Variants in F2R observed in about 807,000 individuals in gnomAD.
F2R encodes the protein coagulation factor II thrombin receptor, also known as proteinase-activated receptor 1.
A neutral mutation model predicts 18.3 loss-of-function variants in F2R; 12 were observed. The observed-to-expected ratio is 0.66, with a 90% confidence interval of 0.42 to 1.06. F2R has a LOEUF of 1.06. Ranked by LOEUF, F2R falls within the 50% of genes least tolerant of loss-of-function variation. The probability of loss-of-function intolerance (pLI) is 0.00; values close to 1 mark genes in which losing one functional copy is unlikely to be tolerated. For missense variants in F2R, 438 were observed against 530.8 expected, an observed-to-expected ratio of 0.83 and a Z score of 1.72; for synonymous variants, 210 against 219.9, an observed-to-expected ratio of 0.95 and a Z score of 0.40.
intron 1 of F2R, among the ~76,000 whole-genome samples, chr5:76,727,048 C>T (rs1748574386): frequency 6.6e-6 from 1 of 152,182 alleles, no homozygotes; most frequent in East Asian, 1.9e-4. Flanking sequence ...TAATATACAA[C>T]TTGTTCATTC....
chr5:76,729,015 G>T (rs1010442040), intron 1 of F2R, among the ~76,000 whole-genome samples: 94 of 152,148 alleles, frequency 6.2e-4, no homozygotes, highest in Admixed American at 2.6e-4. Context: ...ATTTCCTTTG[G>T]ATGTATGCCC....
At chr5:76,717,102 A>G (rs367823256) in intron 1 of F2R, among the ~76,000 whole-genome samples, 7 of 152,222 alleles carry the variant, frequency 4.6e-5, no homozygotes, top group East Asian at 3.8e-4. Flanking sequence ...GCTCCCTCGA[A>G]CACTGTGGGA....
Position 76,733,583 on chromosome 5 carries a change from C to A in F2R, c.*80C>A. The stretch of plus-strand genomic sequence containing the variant: ...AGGATTCTATTAGTCCCCACCCAAA[C>A]TTTATTGATTCACCTCCTAAAACAA... On this transcript the variant is annotated 3_prime_UTR_variant, in exon 2 of 2. Coordinates refer to ENST00000319211, the MANE Select transcript of F2R (RefSeq NM_001992.5). The A allele has an allele frequency of 8.8e-7, 1 of 1,134,976 alleles. No individual in the cohort carries two copies. Among genetic ancestry groups the A allele is most frequent in the Non-Finnish European group, 1.2e-6 (1 of 813,566 alleles). The allele number at this position is 1,134,976 out of a possible 1,614,324, so 70.3% of individuals were successfully genotyped here.
intron 1 of F2R, among the ~76,000 whole-genome samples, chr5:76,725,584 A>C (rs1268572085): frequency 6.6e-6 from 1 of 152,020 alleles, no homozygotes; most frequent in African/African-American, 2.4e-5. Context: ...GTCACCTTGC[A>C]TTGGTTTTGT....
intron 1 of F2R, among the ~76,000 whole-genome samples, chr5:76,722,272 A>C (rs1339862455): frequency 6.6e-6 from 1 of 152,190 alleles, no homozygotes; most frequent in African/African-American, 2.4e-5. Flanking sequence ...TTTTAGCTAG[A>C]TGTCTTGTTG....
chr5:76,734,018 A>G lies in F2R; in HGVS notation c.*515A>G, dbSNP rs1323770292. On this transcript the variant is annotated 3_prime_UTR_variant, in exon 2 of 2. Transcript: ENST00000319211. ...TTGTACCACTTTTGCAAATAAGTGTATTTTGAAATTGTTTGACGGCAAGGT... is the reference window on the plus strand; with the variant it reads ...TTGTACCACTTTTGCAAATAAGTGTGTTTTGAAATTGTTTGACGGCAAGGT... 6.5e-6 allele frequency: 1 copy of G among 154,736 alleles called. No homozygotes were observed. Among genetic ancestry groups the G allele is most frequent in the Non-Finnish European group, 1.4e-5 (1 of 69,674 alleles). The allele number at this position is 154,736 out of a possible 1,614,324, so 9.6% of individuals were successfully genotyped here.
In F2R at chr5:76,733,094, A is replaced by G; in HGVS notation, c.869A>G (p.Tyr290Cys). 6.2e-7 allele frequency: 1 copy of G among 1,614,052 alleles called. No individual in the cohort carries two copies. The highest frequency in any genetic ancestry group is 8.5e-7 in the Non-Finnish European group (1 of 1,180,014). Reference protein sequence around the residue: ...FVPLIISTVCYVSIIRCLSSS... With the variant: ...FVPLIISTVCCVSIIRCLSSS... ...CCGCTGATCATTTCCACGGTCTGTT[A>G]TGTGTCTATCATTCGATGTCTTAGC... The change falls in exon 2 of 2, where the codon TAT (tyrosine) becomes TGT (cysteine). Residue 290 changes from tyrosine to cysteine, a missense_variant. Coordinates refer to ENST00000319211, the MANE Select transcript of F2R (RefSeq NM_001992.5).
intron 1 of F2R, among the ~76,000 whole-genome samples, chr5:76,721,011 T>A (rs1185682340): frequency 6.6e-6 from 1 of 152,198 alleles, no homozygotes; most frequent in Non-Finnish European, 1.5e-5. Context: ...TTTATCACAC[T>A]GCCCAGGCTG....
At position 76,733,344 on chromosome 5, in the gene F2R, C is replaced by G; in HGVS notation, c.1119C>G (p.Tyr373Ter). 6.2e-7 allele frequency: 1 copy of G among 1,614,178 alleles called. No individual in the cohort carries two copies. Among genetic ancestry groups the G allele is most frequent in the Non-Finnish European group, 8.5e-7 (1 of 1,180,036 alleles). Reference sequence around the variant, plus strand: ...GCATCGACCCCCTAATTTACTATTACGCTTCCTCTGAGTGCCAGAGGTACG... The same window carrying G: ...GCATCGACCCCCTAATTTACTATTAGGCTTCCTCTGAGTGCCAGAGGTACG... ...SCCIDPLIYY[Y>*]ASSECQRYVY... The change falls in exon 2 of 2, where the codon TAC becomes TAG. Residue 373 changes from tyrosine (Y) to a stop codon, truncating the protein, a stop_gained. Coordinates refer to ENST00000319211, the MANE Select transcript of F2R (RefSeq NM_001992.5). LOFTEE classifies it high-confidence loss of function.
intron 1 of F2R, among the ~76,000 whole-genome samples, chr5:76,725,042 A>C (rs1748531211): frequency 6.6e-6 from 1 of 152,158 alleles, no homozygotes; most frequent in Non-Finnish European, 1.5e-5. Flanking sequence ...ATGTGAGCAA[A>C]GTCCTGGGAC....
rs978893556 is a variant in F2R at position 76,728,692 on chromosome 5, T to A, written c.89-3622T>A. Among the ~76,000 whole-genome samples the A allele has an allele frequency of 4.0e-4, 57 of 144,236 alleles. 1 individual carries two copies. Among genetic ancestry groups the A allele is most frequent in the Admixed American group, 8.3e-4 (12 of 14,506 alleles). The allele number at this position is 144,236 out of a possible 152,430, so 94.6% of individuals were successfully genotyped here. A position where few individuals can be genotyped will look rare whatever the true frequency, so the allele number is the denominator to read the frequency against. ...AGCTATTGACATCCTGGTCTTTTTT[T>A]TTTTTTTTTTTTTTTTGAGATGGGG... On this transcript the variant is annotated intron_variant, in intron 1 of 1. Transcript: ENST00000319211.
chr5:76,730,610 CTTGAATATAATTCAA>C (rs1748652250), intron 1 of F2R, among the ~76,000 whole-genome samples: 1 of 152,150 alleles, frequency 6.6e-6, no homozygotes, highest in South Asian at 2.1e-4. Context: ...GCTGGGTATC[CTTGAATATAATTCAA>C]TTCTGGACAC....
chr5:76,733,474 A>G lies in F2R; in HGVS notation c.1249A>G (p.Asn417Asp). 6.2e-7 allele frequency: 1 copy of G among 1,613,236 alleles called. No individual in the cohort carries two copies. Among genetic ancestry groups the G allele is most frequent in the Non-Finnish European group, 8.5e-7 (1 of 1,179,784 alleles). ...KMDTCSSNLN[N>D]SIYKKLLT ...GGATACCTGCTCTAGTAACCTGAAT[A>G]ACAGCATATACAAAAAGCTGTTAAC... Residue 417 changes from asparagine to aspartate, a missense_variant, in exon 2 of 2, where the codon AAC becomes GAC. Physicochemically the swap from Asn to Asp is conservative, Grantham distance 23 (BLOSUM62 1). Transcript: ENST00000319211.
rs1466291726 is a variant in F2R at position 76,732,366 on chromosome 5, C to G, written c.141C>G (p.Asn47Lys). ...TLDPRSFLLR[N>K]PNDKYEPFWE... is the part of the protein sequence containing the mutation. ...ATCCCCGGTCATTTCTTCTCAGGAA[C>G]CCCAATGATAAATATGAACCATTTT... Residue 47 changes from asparagine to lysine, a missense_variant, in exon 2 of 2, where the codon AAC (asparagine) becomes AAG (lysine). Asn to Lys is a moderately conservative substitution (Grantham distance 94). Transcript: ENST00000319211. 3 of 1,613,540 alleles carry G rather than the reference C, an allele frequency of 1.9e-6. No individual in the cohort carries two copies. The highest frequency in any genetic ancestry group is 4.5e-5 in the East Asian group (2 of 44,878).
At chr5:76,721,497 C>T (rs1748455478) in intron 1 of F2R, among the ~76,000 whole-genome samples, 1 of 152,128 alleles carries the variant, frequency 6.6e-6, no homozygotes, top group South Asian at 2.1e-4. Context: ...AGTAAGTGGC[C>T]TTTTGAAACA....
intron 1 of F2R, among the ~76,000 whole-genome samples, chr5:76,727,698 A>C (rs1402912615): frequency 3.3e-5 from 5 of 151,778 alleles, no homozygotes; most frequent in African/African-American, 1.2e-4. Flanking sequence ...CTATTTCTAG[A>C]ATTTCCACTT....
intron 1 of F2R, among the ~76,000 whole-genome samples, chr5:76,722,910 C>T (rs1032791828): frequency 6.7e-6 from 1 of 150,130 alleles, no homozygotes; most frequent in Non-Finnish European, 1.5e-5. Flanking sequence ...AAGATCGTGC[C>T]ACTGCACTCC....
chr5:76,717,741 G>A lies in F2R; in HGVS notation c.88+1346G>A, dbSNP rs151313950. Among the ~76,000 whole-genome samples, 578 of 152,270 alleles carry A rather than the reference G, an allele frequency of 3.8e-3. 3 individuals carry two copies. The highest frequency in any genetic ancestry group is 0.013 in the African/African-American group (549 of 41,536). ...TTTGCACAATGTAGTTTGAGGACAC[G>A]CTCTTGAGAATCCAGTGTTTTGTTT... On this transcript the variant is annotated intron_variant, in intron 1 of 1. Transcript: ENST00000319211.
Position 76,733,450 on chromosome 5 carries a change from G to T in F2R, c.1225G>T (p.Asp409Tyr), listed in dbSNP as rs776082431. Residue 409 changes from aspartate to tyrosine, a missense_variant, in exon 2 of 2, where the codon GAT becomes TAT. Transcript: ENST00000319211. Reference sequence around the variant, plus strand: ...TGGGCAGTTGATGGCAAGTAAAATGGATACCTGCTCTAGTAACCTGAATAA... The same window carrying T: ...TGGGCAGTTGATGGCAAGTAAAATGTATACCTGCTCTAGTAACCTGAATAA... ...SSGQLMASKM[D>Y]TCSSNLNNSI... The T allele has an allele frequency of 2.5e-6, 4 of 1,614,116 alleles. No individual in the cohort carries two copies. In the East Asian group the frequency reaches 6.7e-5, roughly 27 times the overall value.
Sources: gnomAD v4.1 joint callset for allele counts (sites outside exome capture counted in the v4.1 genomes callset) on GRCh38, gnomAD v4.1.1 for gene constraint, MANE v1.5 for transcripts, NCBI Gene and HGNC (gene_info 2026-07-23, HGNC 2026-07-21) for gene names.